XKR6: variants seen among roughly 807,000 people sequenced by gnomAD.
XKR6 encodes the protein XK-related protein 6.
In XKR6, 22 loss-of-function variants were observed where a neutral mutation model predicts 56.7. The ratio of observed to expected loss-of-function variants is 0.39; its 90% CI spans 0.28 to 0.55. The LOEUF (loss-of-function observed/expected upper bound fraction) is 0.55. Ranked by LOEUF, XKR6 falls within the 20% of genes least tolerant of loss-of-function variation. The probability of loss-of-function intolerance (pLI) is 0.66; values close to 1 mark genes in which losing one functional copy is unlikely to be tolerated. For missense variants in XKR6, 852 were observed against 889.0 expected, an observed-to-expected ratio of 0.96 and a Z score of 0.53; for synonymous variants, 524 against 387.8, an observed-to-expected ratio of 1.35 and a Z score of -4.13.
chr8:11,079,694 T>C (rs940197733), intron 1 of XKR6, among the ~76,000 whole-genome samples: 4 of 152,218 alleles, frequency 2.6e-5, no homozygotes, highest in African/African-American at 7.2e-5. Flanking sequence ...GCACGGTGGT[T>C]CATGCCTCTT....
chr8:11,114,100 TAAAAA>T (rs985421114), intron 1 of XKR6: 3 of 442,754 alleles, frequency 6.8e-6, no homozygotes, highest in African/African-American at 6.1e-5. Context: ...GAGCTAAAAA[TAAAAA>T]TACATGTGAA....
intron 1 of XKR6, among the ~76,000 whole-genome samples, chr8:10,973,698 A>C (rs896297607): frequency 6.6e-6 from 1 of 151,938 alleles, no homozygotes; most frequent in African/African-American, 2.4e-5. Flanking sequence ...CCTCCACCTC[A>C]GTCTCCCAAG....
intron 1 of XKR6, among the ~76,000 whole-genome samples, chr8:11,078,821 C>T (rs1800340796): frequency 6.6e-6 from 1 of 152,182 alleles, no homozygotes. Flanking sequence ...GTCTCAGCAC[C>T]ATAGGAGAAG....
rs185283636 is a variant in XKR6, at chr8:11,134,220, C to T, written c.764+66356G>A. ...ATGTCCCCAAACAACCCTCTCCCAC[C>T]TCTTTCATAGCACTGATCACAGTGT... On this transcript the variant is annotated intron_variant, in intron 1 of 2. Transcript: ENST00000416569. Among the ~76,000 whole-genome samples the T allele has an allele frequency of 7.2e-5, 11 of 152,292 alleles. No homozygotes were observed. The East Asian group carries it at 2.1e-3, about 29-fold the overall frequency.
chr8:10,904,456 A>G (rs79275501), intron 2 of XKR6, among the ~76,000 whole-genome samples: 1 of 152,152 alleles, frequency 6.6e-6, no homozygotes, highest in Non-Finnish European at 1.5e-5. Context: ...TGTGTTTTCA[A>G]TTCCCAGGGG....
intron 1 of XKR6, among the ~76,000 whole-genome samples, chr8:11,094,414 C>A (rs1193276318): frequency 6.6e-6 from 1 of 151,694 alleles, no homozygotes; most frequent in Non-Finnish European, 1.5e-5. Context: ...GGTCTGAAAC[C>A]CCTGGCCTCA....
intron 1 of XKR6, among the ~76,000 whole-genome samples, chr8:11,126,828 G>A (rs1799823511): frequency 1.3e-5 from 2 of 152,116 alleles, no homozygotes; most frequent in Admixed American, 6.5e-5. Context: ...CGATGTATGT[G>A]CCCCTCCCAC....
chr8:11,147,654 CAAAA>C (rs35057185), intron 1 of XKR6, among the ~76,000 whole-genome samples: 1 of 100,624 alleles, frequency 9.9e-6, no homozygotes. Context: ...GACTCTGTCT[CAAAA>C]AAAAAAAAAA....
intron 1 of XKR6, among the ~76,000 whole-genome samples, chr8:10,930,561 C>A (rs1046931286): frequency 6.6e-6 from 1 of 152,142 alleles, no homozygotes; most frequent in Non-Finnish European, 1.5e-5. Context: ...AAAATATTAG[C>A]AAATTAAATC....
At chr8:11,114,773 G>GTGTGTATATA (rs34746866) in intron 1 of XKR6, among the ~76,000 whole-genome samples, 23 of 146,618 alleles carry the variant, frequency 1.6e-4, no homozygotes, top group Non-Finnish European at 3.2e-4. Flanking sequence ...GTGTGTGTGT[G>GTGTGTATATA]TATGTGCCAG....
At chr8:10,928,329 C>G (rs1337713614) in intron 1 of XKR6, among the ~76,000 whole-genome samples, 1 of 152,214 alleles carries the variant, frequency 6.6e-6, no homozygotes, top group Non-Finnish European at 1.5e-5. Flanking sequence ...CTGCTGTCCT[C>G]GAGGCTCTAG....
At chr8:11,189,680 C>T (rs1803448290) in intron 1 of XKR6, among the ~76,000 whole-genome samples, 1 of 152,186 alleles carries the variant, frequency 6.6e-6, no homozygotes, top group Non-Finnish European at 1.5e-5. Flanking sequence ...TGGCAGAAAT[C>T]AGCCTGTACA....
intron 1 of XKR6, among the ~76,000 whole-genome samples, chr8:11,184,392 C>T (rs1328724536): frequency 8.7e-5 from 5 of 57,214 alleles, no homozygotes; most frequent in Non-Finnish European, 1.6e-4. Flanking sequence ...CACACATACA[C>T]ACACACACAC....
rs1448783164 is a variant in XKR6, at chr8:11,005,097, C to CTA, written c.765-80269_765-80268dup. Among the ~76,000 whole-genome samples the CTA allele has an allele frequency of 2.6e-5, 4 of 152,146 alleles. No homozygotes were observed. In the East Asian group the frequency reaches 7.7e-4, roughly 29 times the overall value. ...CTGAAACCACAGATGGTACAGAACT[C>CTA]TATATATACTAAGTTTTTTTCTCAT... On this transcript the variant is annotated intron_variant, in intron 1 of 2. Coordinates refer to ENST00000416569, the MANE Select transcript of XKR6 (RefSeq NM_173683.4).
intron 1 of XKR6, among the ~76,000 whole-genome samples, chr8:11,115,091 G>C (rs1476527735): frequency 1.3e-5 from 2 of 152,102 alleles, no homozygotes; most frequent in African/African-American, 4.8e-5. Context: ...TTCCACAAGA[G>C]GTAGGAGGGC....
chr8:11,013,136 T>TAAC (rs1798537951), intron 1 of XKR6, among the ~76,000 whole-genome samples: 1 of 152,142 alleles, frequency 6.6e-6, no homozygotes, highest in Non-Finnish European at 1.5e-5. Flanking sequence ...ATTAAGCCCT[T>TAAC]AACACCATGA....
At chr8:10,976,006 C>T (rs569511994) in intron 1 of XKR6, among the ~76,000 whole-genome samples, 6 of 146,032 alleles carry the variant, frequency 4.1e-5, no homozygotes, top group Non-Finnish European at 9.2e-5. Context: ...AACCCTGTCT[C>T]TACTAAAAAT....
At chr8:11,063,061 A>G in intron 1 of XKR6, 1 of 344,496 alleles carries the variant, frequency 2.9e-6, no homozygotes, top group South Asian at 2.2e-5. Flanking sequence ...TGGACAAGGA[A>G]TAAATTTAAA....
intron 1 of XKR6, among the ~76,000 whole-genome samples, chr8:11,171,549 C>A (rs1802369259): frequency 6.6e-6 from 1 of 152,118 alleles, no homozygotes; most frequent in Admixed American, 6.5e-5. Context: ...CTCTTAGTCC[C>A]CACGGGAGCT....
Sources: allele counts gnomAD v4.1 joint callset (sites outside exome capture counted in the v4.1 genomes callset), GRCh38; gene constraint gnomAD v4.1.1; transcripts MANE v1.5; gene names NCBI Gene and HGNC (gene_info 2026-07-23, HGNC 2026-07-21).